The following GNAO1 variants were observed in gnomAD, a reference collection of about 807,000 sequenced individuals.
GNAO1 encodes the protein guanine nucleotide-binding protein G(o) subunit alpha.
For synonymous variants in GNAO1, 164 were observed against 180.7 expected (o/e 0.91, Z 0.74); for missense variants, 166 against 478.7 (o/e 0.35, Z 6.10).
rs1555505146 is a variant in GNAO1, at chr16:56,294,341, T to TAGAAAAA, written c.303+18270_303+18271insGAAAAAA. 1.0e-4 allele frequency among the ~76,000 whole-genome samples: 14 copies of TAGAAAAA among 133,628 alleles called. 1 individual carries two copies. Among genetic ancestry groups the TAGAAAAA allele is most frequent in the South Asian group, 2.4e-4 (1 of 4,134 alleles). The allele number at this position is 133,628 out of a possible 152,430, so 87.7% of individuals were successfully genotyped here. On this transcript the variant is annotated intron_variant, in intron 3 of 8. Transcript: ENST00000262493. ...CCAACCACAGCAGAAGGCTTTGCTT[T>TAGAAAAA]AAAAAAAAAAAAAAAAAAAAGTGGA...
At chr16:56,250,401 CT>C (rs1236631609) in intron 2 of GNAO1, among the ~76,000 whole-genome samples, 1 of 152,186 alleles carries the variant, frequency 6.6e-6, no homozygotes, top group Admixed American at 6.5e-5. Flanking sequence ...GTTAATATTC[CT>C]CTGAGCACTT....
chr16:56,344,221 C>A lies in GNAO1; in HGVS notation c.724-7163C>A, dbSNP rs115824598. On this transcript the variant is annotated intron_variant, in intron 6 of 8. Transcript: ENST00000262493. ...TCTGTGTCATCTCTGAGTGCTTGAT[C>A]GGGAAGCTGGGGGGACAGGGCAGGG... 1,109 of 1,382,120 alleles carry A rather than the reference C, an allele frequency of 8.0e-4. 8 individuals carry two copies. In the African/African-American group the frequency reaches 0.014, roughly 18 times the overall value. 85.6% of individuals were successfully genotyped at this position (1,382,120 alleles called of 1,614,324 possible).
At chr16:56,212,657 A>G (rs2036400654) in intron 2 of GNAO1, among the ~76,000 whole-genome samples, 1 of 152,224 alleles carries the variant, frequency 6.6e-6, no homozygotes, top group African/African-American at 2.4e-5. Context: ...ACTTGTCTGC[A>G]TTTCTGCCTA....
At chr16:56,223,688 G>A (rs74557642) in intron 2 of GNAO1, among the ~76,000 whole-genome samples, 6,581 of 152,194 alleles carry the variant, frequency 0.043, 323 homozygotes, top group African/African-American at 0.11. Context: ...GATGGGATGT[G>A]GAACCCCTCA....
chr16:56,230,630 T>C (rs1162445406), intron 2 of GNAO1, among the ~76,000 whole-genome samples: 3 of 152,048 alleles, frequency 2.0e-5, no homozygotes, highest in Admixed American at 1.3e-4. Flanking sequence ...CACAAGACTT[T>C]GATGTCACAT....
At chr16:56,346,508 C>T in intron 6 of GNAO1, 1 of 985,432 alleles carries the variant, frequency 1.0e-6, no homozygotes, top group South Asian at 4.7e-5. Flanking sequence ...GCGCCGCTGA[C>T]CATCCTAAGA....
intron 4 of GNAO1, among the ~76,000 whole-genome samples, chr16:56,332,823 A>G (rs1277474543): frequency 2.0e-5 from 3 of 152,264 alleles, no homozygotes; most frequent in Non-Finnish European, 4.4e-5. Flanking sequence ...AAACGCTTCC[A>G]GGCTGGTGTC....
At chr16:56,230,605 C>T (rs1274964628) in intron 2 of GNAO1, among the ~76,000 whole-genome samples, 1 of 151,982 alleles carries the variant, frequency 6.6e-6, no homozygotes, top group Non-Finnish European at 1.5e-5. Flanking sequence ...TGAAACGGAC[C>T]ACTGAGACTC....
intron 2 of GNAO1, among the ~76,000 whole-genome samples, chr16:56,237,414 C>T (rs79645963): frequency 0.015 from 2,281 of 152,176 alleles, 31 homozygotes; most frequent in Non-Finnish European, 0.021. Context: ...TACGGCTGTG[C>T]AGAGCAATGC....
At chr16:56,336,568 G>A in intron 5 of GNAO1, 163 bp from the exon 6 acceptor site, 1 of 608,428 alleles carries the variant, frequency 1.6e-6, no homozygotes, top group Non-Finnish European at 2.9e-6. Flanking sequence ...TGATCCAGCT[G>A]TCTGTCATCA....
intron 2 of GNAO1, among the ~76,000 whole-genome samples, chr16:56,200,188 G>C (rs2036270346): frequency 6.6e-6 from 1 of 152,160 alleles, no homozygotes; most frequent in South Asian, 2.1e-4. Context: ...AATTAATTAG[G>C]TGTTTATTTG....
At chr16:56,285,574 C>T (rs2143545188) in intron 3 of GNAO1, among the ~76,000 whole-genome samples, 1 of 152,332 alleles carries the variant, frequency 6.6e-6, no homozygotes, top group East Asian at 1.9e-4. Context: ...AGAGAGGGGC[C>T]TGCCTGGCCA....
chr16:56,286,757 G>C (rs987531899), intron 3 of GNAO1, among the ~76,000 whole-genome samples: 3 of 150,878 alleles, frequency 2.0e-5, no homozygotes, highest in Admixed American at 6.6e-5. Context: ...CTGTCTGTCT[G>C]TCTCTCTCTC....
chr16:56,327,010 GGTT>G (rs2143643261), intron 3 of GNAO1, among the ~76,000 whole-genome samples: 2 of 152,234 alleles, frequency 1.3e-5, no homozygotes, highest in African/African-American at 4.8e-5. Context: ...CTCACCATCG[GGTT>G]GTTAAGTGAG....
At chr16:56,331,930 C>T (rs1451721483) in intron 4 of GNAO1, among the ~76,000 whole-genome samples, 1 of 152,190 alleles carries the variant, frequency 6.6e-6, no homozygotes, top group Non-Finnish European at 1.5e-5. Flanking sequence ...TCCTCCCTCC[C>T]TCTAAATGTG....
At chr16:56,193,251 G>A (rs1283665604) in intron 2 of GNAO1, 1 of 153,212 alleles carries the variant, frequency 6.5e-6, no homozygotes, top group African/African-American at 2.4e-5. Context: ...TCGTGTGCTA[G>A]GGGAAGGAGT....
intron 3 of GNAO1, among the ~76,000 whole-genome samples, chr16:56,309,704 C>T (rs1433280486): frequency 6.6e-6 from 1 of 152,190 alleles, no homozygotes; most frequent in African/African-American, 2.4e-5. Flanking sequence ...GACCTGTTTC[C>T]AGTCCCACCA....
intron 2 of GNAO1, among the ~76,000 whole-genome samples, chr16:56,252,605 G>A (rs1450185950): frequency 5.9e-5 from 9 of 152,198 alleles, no homozygotes; most frequent in African/African-American, 2.2e-4. Flanking sequence ...AGGATGAAAT[G>A]GGGAGGTGCA....
intron 2 of GNAO1, among the ~76,000 whole-genome samples, chr16:56,223,621 T>C (rs921373297): frequency 6.6e-6 from 1 of 152,182 alleles, no homozygotes; most frequent in African/African-American, 2.4e-5. Context: ...TAGGGAAATT[T>C]GCTTGACTTC....
Sources: allele counts gnomAD v4.1 joint callset (sites outside exome capture counted in the v4.1 genomes callset), GRCh38; gene constraint gnomAD v4.1.1; transcripts MANE v1.5; gene names NCBI Gene and HGNC (gene_info 2026-07-23, HGNC 2026-07-21).